TEX9: variants seen among roughly 807,000 people sequenced by gnomAD.
The protein encoded by TEX9 is testis-expressed protein 9.
A neutral mutation model predicts 59.6 loss-of-function variants in TEX9; 74 were observed. The observed-to-expected ratio is 1.24, with a 90% CI of 1.03 to 1.51. TEX9 has a LOEUF of 1.51. TEX9 is among the 40% of genes most tolerant of loss of function. The pLI, the probability that TEX9 is intolerant of heterozygous loss-of-function variation, is 0.00. For missense variants in TEX9, 522 were observed against 447.8 expected (o/e 1.17, Z -1.49); for synonymous variants, 186 against 152.2 (o/e 1.22, Z -1.64).
intron 1 of TEX9, among the ~76,000 whole-genome samples, chr15:56,268,309 C>G (rs1423583638): frequency 2.6e-5 from 4 of 152,046 alleles, no homozygotes; most frequent in East Asian, 1.9e-4. Flanking sequence ...AATTGAATAC[C>G]CTTTATTTCT....
At chr15:56,446,198 T>C (rs1359795223), downstream of TEX9, among the ~76,000 whole-genome samples, 3 of 152,050 alleles carry the variant, frequency 2.0e-5, no homozygotes, top group Non-Finnish European at 2.9e-5. Context: ...TGTATGTGTA[T>C]ATAAACATTC....
intron 1 of TEX9, among the ~76,000 whole-genome samples, chr15:56,345,962 C>G (rs1386525990): frequency 6.6e-6 from 1 of 152,162 alleles, no homozygotes; most frequent in Non-Finnish European, 1.5e-5. Context: ...AACAGGGTTA[C>G]AACTTGGGAA....
Position 56,412,450 on chromosome 15 carries a change from G to T in TEX9, c.963+14G>T. ...CAAAATAACAAGGTATGGAAAAATT[G>T]AATAGCTTTTGTAGTGATCCCTTTT... On this transcript the variant is annotated intron_variant, in intron 10 of 12. Transcript: ENST00000352903. 1 of 1,601,550 alleles carries T rather than the reference G, an allele frequency of 6.2e-7. No homozygotes were observed. The highest frequency in any genetic ancestry group is 8.5e-7 in the Non-Finnish European group (1 of 1,176,612).
At chr15:56,299,321 T>G (rs374907908) in intron 1 of TEX9, among the ~76,000 whole-genome samples, 12 of 152,178 alleles carry the variant, frequency 7.9e-5, no homozygotes. Flanking sequence ...CCAGTGCCCA[T>G]GGAGGGAGCA....
At chr15:56,443,884 A>G in intron 12 of TEX9, 1 of 1,449,494 alleles carries the variant, frequency 6.9e-7, no homozygotes, top group Non-Finnish European at 9.3e-7. Flanking sequence ...ACAGATTTAT[A>G]GTAAACAATA....
At chr15:56,284,073 A>C (rs2044882583) in intron 1 of TEX9, among the ~76,000 whole-genome samples, 1 of 152,246 alleles carries the variant, frequency 6.6e-6, no homozygotes, top group Non-Finnish European at 1.5e-5. Flanking sequence ...AATGTAAGTC[A>C]ATACAAATCT....
At chr15:56,426,626 T>TATAAAC (rs1214988827) in intron 10 of TEX9, among the ~76,000 whole-genome samples, 1 of 47,178 alleles carries the variant, frequency 2.1e-5, no homozygotes, top group Non-Finnish European at 5.0e-5. Flanking sequence ...TATATATATA[T>TATAAAC]ACACACACAC....
At chr15:56,380,363 A>C (rs1319189914) in intron 3 of TEX9, among the ~76,000 whole-genome samples, 1 of 152,166 alleles carries the variant, frequency 6.6e-6, no homozygotes, top group Non-Finnish European at 1.5e-5. Flanking sequence ...TTTCTGTCTT[A>C]CTGTACTGTC....
intron 1 of TEX9, among the ~76,000 whole-genome samples, chr15:56,330,951 T>C (rs1255763839): frequency 6.6e-6 from 1 of 151,196 alleles, no homozygotes; most frequent in South Asian, 2.1e-4. Context: ...AGACTGAAAA[T>C]AAAGAAATGG....
chr15:56,337,615 A>G (rs1217944110), intron 1 of TEX9, among the ~76,000 whole-genome samples: 1 of 152,172 alleles, frequency 6.6e-6, no homozygotes, highest in African/African-American at 2.4e-5. Flanking sequence ...CTTACTGTTC[A>G]TCTTCATTAT....
chr15:56,345,038 GATAT>G (rs58688246), intron 1 of TEX9, among the ~76,000 whole-genome samples: 4 of 141,496 alleles, frequency 2.8e-5, no homozygotes, highest in Admixed American at 7.1e-5. Context: ...TATCTATCTG[GATAT>G]ATATATATAT....
chr15:56,456,741 C>T, the TEX9 span, among the ~76,000 whole-genome samples: 2 of 152,078 alleles, frequency 1.3e-5, no homozygotes, highest in Admixed American at 6.5e-5. Context: ...TTTAAATACA[C>T]TCTCAGGTAC....
intron 6 of TEX9, 131 bp downstream of exon 6, chr15:56,389,531 T>A (rs1229324636): frequency 1.6e-6 from 1 of 619,196 alleles, no homozygotes; most frequent in African/African-American, 1.9e-5. Context: ...ACACCACATA[T>A]ATCTTATCCA....
Position 56,321,501 on chromosome 15 carries a change from A to G in TEX9, c.-106-51940A>G, listed in dbSNP as rs138549928. Among the ~76,000 whole-genome samples, 746 of 152,332 alleles carry G rather than the reference A, an allele frequency of 4.9e-3. 8 individuals are homozygous for G. Among genetic ancestry groups the G allele is most frequent in the African/African-American group, 0.016 (676 of 41,582 alleles). ...GATCTTTGGACTTTGGTAAATCCAA[A>G]GAAAATACTGCAATTAGTATTAAGG... is the stretch of plus-strand genomic sequence containing the variant. On this transcript the variant is annotated intron_variant, in intron 1 of 5. Coordinates refer to the TEX9 transcript ENST00000560827.
At chr15:56,365,315 CA>C, upstream of TEX9, 1 of 1,237,318 alleles carries the variant, frequency 8.1e-7, no homozygotes, top group South Asian at 1.6e-5. Flanking sequence ...AGCCCGCTGC[CA>C]GAGGCTCGCG....
chr15:56,361,874 A>G (rs2046795749), upstream of TEX9, among the ~76,000 whole-genome samples: 1 of 152,148 alleles, frequency 6.6e-6, no homozygotes, highest in Non-Finnish European at 1.5e-5. Flanking sequence ...AGAGGCAAAG[A>G]AAGAGTCTCC....
intron 3 of TEX9, among the ~76,000 whole-genome samples, chr15:56,380,368 ACTGT>A (rs1391424297): frequency 2.6e-5 from 4 of 152,156 alleles, no homozygotes; most frequent in Admixed American, 2.0e-4. Flanking sequence ...GTCTTACTGT[ACTGT>A]CTATGAGTTA....
intron 1 of TEX9, among the ~76,000 whole-genome samples, chr15:56,290,304 G>C (rs1392813330): frequency 6.6e-6 from 1 of 152,134 alleles, no homozygotes; most frequent in African/African-American, 2.4e-5. Flanking sequence ...TCAGTGGCAA[G>C]AGATGCCAGT....
rs1394820262 is a variant in TEX9, at chr15:56,312,012, T to G, written c.-106-61429T>G. Among the ~76,000 whole-genome samples, 582 of 151,908 alleles carry G rather than the reference T, an allele frequency of 3.8e-3. 3 individuals are homozygous for G. Among genetic ancestry groups the G allele is most frequent in the Middle Eastern group, 0.034 (10 of 294 alleles). ...GGTTGTTTGTTTTTTTCTTGTAAAT[T>G]TGTTTGAGTTCACTATAGATTCTGG... On this transcript the variant is annotated intron_variant, in intron 1 of 5. Coordinates refer to the TEX9 transcript ENST00000560827.
Sources: allele counts gnomAD v4.1 joint callset (sites outside exome capture counted in the v4.1 genomes callset), GRCh38; gene constraint gnomAD v4.1.1; transcripts MANE v1.5; gene names NCBI Gene and HGNC (gene_info 2026-07-23, HGNC 2026-07-21).